Variants in LNX1 observed in about 807,000 individuals in gnomAD.
The protein encoded by LNX1 is ligand of numb-protein X 1.
In LNX1, 54 loss-of-function variants were observed where a neutral mutation model predicts 68.4. That is an observed-to-expected ratio of 0.79 (90% CI 0.63 to 0.99). The LOEUF is 0.99. LNX1 is among the 50% of genes least tolerant of loss of function. The pLI is 0.00. For synonymous variants in LNX1, 336 were observed against 350.0 expected (o/e 0.96, Z 0.45); for missense variants, 906 against 926.4 (o/e 0.98, Z 0.29).
chr4:53,552,474 C>T (rs1250948146), intron 2 of LNX1, among the ~76,000 whole-genome samples: 1 of 152,186 alleles, frequency 6.6e-6, no homozygotes, highest in Admixed American at 6.5e-5. Context: ...GAACGAAATG[C>T]ACCACCAGTA....
chr4:53,627,861 C>T (rs76604683), intron 1 of LNX1, among the ~76,000 whole-genome samples: 34 of 152,242 alleles, frequency 2.2e-4, no homozygotes, highest in African/African-American at 8.2e-4. Flanking sequence ...TTCTGCATGC[C>T]CCTTTGGGAG....
intron 2 of LNX1, among the ~76,000 whole-genome samples, chr4:53,532,863 G>T (rs189155094): frequency 6.6e-6 from 1 of 152,240 alleles, no homozygotes; most frequent in Admixed American, 6.5e-5. Flanking sequence ...AACACTGCAG[G>T]CTGCCCAGGA....
chr4:53,481,751 G>A lies in LNX1; in HGVS notation c.1454C>T (p.Pro485Leu), dbSNP rs369590952. Residue 485 changes from proline (P) to leucine (L), a missense_variant, in exon 7 of 11, where the codon CCA becomes CTA. Coordinates refer to ENST00000263925, the MANE Select transcript of LNX1 (RefSeq NM_001126328.3). ...AGWNSNGSWS[P>L]GPGERSNTPK... Reference sequence around the variant, plus strand: ...AGTGTTGCTCCTCTCCCCTGGCCCTGGGGACCAGCTGCCATTGCTGTTCCA... The same window carrying A: ...AGTGTTGCTCCTCTCCCCTGGCCCTAGGGACCAGCTGCCATTGCTGTTCCA... 4.0e-5 allele frequency: 64 copies of A among 1,613,708 alleles called. No individual in the cohort carries two copies. The African/African-American group carries it at 6.4e-4, about 16-fold the overall frequency.
At position 53,476,856 on chromosome 4, in the gene LNX1, G is replaced by C; in HGVS notation, c.1789C>G (p.Pro597Ala). The C allele has an allele frequency of 2.5e-6, 4 of 1,614,172 alleles. No homozygotes were observed. Among genetic ancestry groups the C allele is most frequent in the Non-Finnish European group, 3.4e-6 (4 of 1,180,022 alleles). The part of the protein sequence containing the change: ...LKALEVKEYE[P>A]QEDCSSPAAL... Reference sequence around the variant, plus strand: ...GCTGGGCTGCTGCAGTCTTCCTGGGGCTCATACTCTTTGACTTCCAAAGCT... The same window carrying C: ...GCTGGGCTGCTGCAGTCTTCCTGGGCCTCATACTCTTTGACTTCCAAAGCT... Residue 597 changes from proline to alanine, a missense_variant, in exon 9 of 11, where the codon CCC (proline) becomes GCC (alanine). Pro to Ala is a conservative substitution (Grantham distance 27). Transcript: ENST00000263925.
At chr4:53,635,385 G>A (rs781480202) in intron 1 of LNX1, among the ~76,000 whole-genome samples, 4 of 152,136 alleles carry the variant, frequency 2.6e-5, no homozygotes, top group Admixed American at 6.6e-5. Flanking sequence ...GTTGTCTCAC[G>A]TAACTCACTA....
chr4:53,483,653 G>A (rs1724094833), intron 6 of LNX1, among the ~76,000 whole-genome samples: 1 of 152,166 alleles, frequency 6.6e-6, no homozygotes, highest in African/African-American at 2.4e-5. Flanking sequence ...TAGGGACAAG[G>A]GAGATGGAAG....
intron 4 of LNX1, among the ~76,000 whole-genome samples, chr4:53,504,636 A>G (rs1353291654): frequency 6.6e-6 from 1 of 152,226 alleles, no homozygotes; most frequent in Non-Finnish European, 1.5e-5. Context: ...AGCCTACCTT[A>G]GCTTTCAATA....
intron 2 of LNX1, among the ~76,000 whole-genome samples, chr4:53,525,438 C>G (rs1430794588): frequency 6.6e-6 from 1 of 152,198 alleles, no homozygotes; most frequent in Non-Finnish European, 1.5e-5. Context: ...CAAGATCACA[C>G]TACTTCACTG....
At chr4:53,649,159 T>G (rs188083426) in intron 1 of LNX1, among the ~76,000 whole-genome samples, 1 of 152,362 alleles carries the variant, frequency 6.6e-6, no homozygotes, top group African/African-American at 2.4e-5. Context: ...AAAATCTATT[T>G]GTTTAAATTT....
At chr4:53,538,805 A>C (rs1011685889) in intron 2 of LNX1, among the ~76,000 whole-genome samples, 2 of 152,250 alleles carry the variant, frequency 1.3e-5, no homozygotes, top group African/African-American at 4.8e-5. Flanking sequence ...AGGAAAGGCT[A>C]AACATTAACA....
chr4:53,460,858 T>C lies in LNX1; in HGVS notation c.*49A>G. On this transcript the variant is annotated 3_prime_UTR_variant, in exon 11 of 11. Transcript: ENST00000263925. Reference sequence around the variant, plus strand: ...ACAAGATAAATATAGTGTTTCAACTTCTTAGCCTATTTGTGATTTTTCTGT... The same window carrying C: ...ACAAGATAAATATAGTGTTTCAACTCCTTAGCCTATTTGTGATTTTTCTGT... The C allele has an allele frequency of 6.5e-7, 1 of 1,527,490 alleles. No individual in the cohort carries two copies. Among genetic ancestry groups the C allele is most frequent in the East Asian group, 2.3e-5 (1 of 43,596 alleles). 94.6% of individuals were successfully genotyped at this position (1,527,490 alleles called of 1,614,324 possible).
chr4:53,638,493 G>A (rs1414339106), intron 1 of LNX1, among the ~76,000 whole-genome samples: 7 of 152,196 alleles, frequency 4.6e-5, no homozygotes, highest in African/African-American at 1.2e-4. Context: ...TGGGATGCAC[G>A]TGTTCCCAGC....
At chr4:53,584,626 C>T (rs1732052161) in intron 1 of LNX1, among the ~76,000 whole-genome samples, 1 of 152,136 alleles carries the variant, frequency 6.6e-6, no homozygotes, top group African/African-American at 2.4e-5. Context: ...ATGTGTCAAT[C>T]AAGGAAGAGT....
chr4:53,612,726 G>A (rs1733543549), intron 2 of LNX1, among the ~76,000 whole-genome samples: 1 of 148,806 alleles, frequency 6.7e-6, no homozygotes, highest in African/African-American at 2.5e-5. Context: ...TTGTAGAGAT[G>A]GGGTCTCGCT....
intron 1 of LNX1, among the ~76,000 whole-genome samples, chr4:53,587,251 CG>C (rs1560682891): frequency 1.3e-5 from 2 of 152,144 alleles, no homozygotes; most frequent in Admixed American, 1.3e-4. Context: ...AGAAAGTTTA[CG>C]GGAGACAACA....
Position 53,507,330 on chromosome 4 carries a change from G to A in LNX1, c.762C>T (p.Thr254=). ...ADQGRENSEN[T]TAPEVFPRLY... is the part of the protein sequence containing the mutation. ...GAGTTCATTTACCTTCAGGGGCAGT[G>A]GTGTTTTCAGAATTTTCCCTGCCCT... The change falls in exon 4 of 11, where the codon ACC becomes ACT. Residue 254 remains threonine, a synonymous_variant. Coordinates refer to ENST00000263925, the MANE Select transcript of LNX1 (RefSeq NM_001126328.3). 2 of 1,614,050 alleles carry A rather than the reference G, an allele frequency of 1.2e-6. No homozygotes were observed. Among genetic ancestry groups the A allele is most frequent in the Non-Finnish European group, 1.7e-6 (2 of 1,179,986 alleles).
At chr4:53,534,272 T>A (rs1339970309) in intron 2 of LNX1, among the ~76,000 whole-genome samples, 1 of 152,150 alleles carries the variant, frequency 6.6e-6, no homozygotes, top group Non-Finnish European at 1.5e-5. Flanking sequence ...CTGTGAATCC[T>A]CTTCTCAAGG....
chr4:53,621,653 G>C (rs1733884452), upstream of LNX1, among the ~76,000 whole-genome samples: 1 of 152,158 alleles, frequency 6.6e-6, no homozygotes, highest in South Asian at 2.1e-4. Context: ...CAGACAATCA[G>C]ACAGAAATTT....
intron 9 of LNX1, among the ~76,000 whole-genome samples, chr4:53,468,038 G>A (rs1325290842): frequency 1.3e-5 from 2 of 152,142 alleles, no homozygotes; most frequent in Non-Finnish European, 2.9e-5. Context: ...ACACATAATT[G>A]TCAGATTCAC....
Sources: gnomAD v4.1 joint callset for allele counts (sites outside exome capture counted in the v4.1 genomes callset) on GRCh38, gnomAD v4.1.1 for gene constraint, MANE v1.5 for transcripts, NCBI Gene and HGNC (gene_info 2026-07-23, HGNC 2026-07-21) for gene names.